Variants in CDH4 observed in about 807,000 individuals in gnomAD.
CDH4 encodes cadherin-4.
A neutral mutation model predicts 86.0 loss-of-function variants in CDH4; 33 were observed. The ratio of observed to expected loss-of-function variants is 0.38; its 90% confidence interval spans 0.29 to 0.51. The LOEUF (loss-of-function observed/expected upper bound fraction) is 0.51, where lower values mean the gene tolerates loss of function less well. Among genes scored for constraint, CDH4 ranks in the 20% least tolerant of loss-of-function variants. The pLI is 0.86. For synonymous variants in CDH4, 555 were observed against 549.4 expected (o/e 1.01, Z -0.14); for missense variants, 1,114 against 1,307.4 (o/e 0.85, Z 2.28).
intron 2 of CDH4, among the ~76,000 whole-genome samples, chr20:61,693,428 G>T (rs184015467): frequency 1.3e-5 from 2 of 152,332 alleles, no homozygotes; most frequent in Admixed American, 1.3e-4. Flanking sequence ...GGATCTTTGA[G>T]CAAAGGTAAT....
Position 61,430,022 on chromosome 20 carries a change from C to T in CDH4, c.169+175085C>T, listed in dbSNP as rs945824574. ...GATGCCCTTAAAACAGATTCCTTGG[C>T]CCAGCCGCAGAGATTCTGAGTCAGC... On this transcript the variant is annotated intron_variant, in intron 2 of 15. Transcript: ENST00000614565. 2.0e-5 allele frequency among the ~76,000 whole-genome samples: 3 copies of T among 152,196 alleles called. No individual in the cohort carries two copies. The East Asian group carries it at 5.8e-4, about 29-fold the overall frequency.
intron 2 of CDH4, among the ~76,000 whole-genome samples, chr20:61,306,938 C>T (rs1387239048): frequency 2.0e-5 from 3 of 152,182 alleles, no homozygotes; most frequent in Non-Finnish European, 2.9e-5. Context: ...GGCGGGACTT[C>T]TCATTTCCTC....
At chr20:61,693,884 CTTTTTTTTTTTTT>C (rs11479778) in intron 2 of CDH4, among the ~76,000 whole-genome samples, 3 of 82,700 alleles carry the variant, frequency 3.6e-5, no homozygotes, top group African/African-American at 5.1e-5. Context: ...CTCTTTCTTT[CTTTTTTTTTTTTT>C]TTTTTTTTTT....
intron 2 of CDH4, among the ~76,000 whole-genome samples, chr20:61,736,383 G>A (rs775388468): frequency 1.3e-5 from 2 of 152,132 alleles, no homozygotes; most frequent in Non-Finnish European, 2.9e-5. Context: ...TCCACGGAAG[G>A]GTCCTGTTAT....
chr20:61,724,833 A>G (rs2088091076), intron 2 of CDH4, among the ~76,000 whole-genome samples: 1 of 152,250 alleles, frequency 6.6e-6, no homozygotes. Context: ...AGAGAGGGCC[A>G]GGCATAGTGG....
intron 2 of CDH4, among the ~76,000 whole-genome samples, chr20:61,661,595 T>G (rs2087258550): frequency 6.6e-6 from 1 of 151,982 alleles, no homozygotes; most frequent in South Asian, 2.1e-4. Context: ...GGGCATGATC[T>G]GACATGCGTC....
Position 61,703,550 on chromosome 20 carries a change from G to A in CDH4, c.170-40013G>A, listed in dbSNP as rs1351806970. On this transcript the variant is annotated intron_variant, in intron 2 of 15. Coordinates refer to ENST00000614565, the MANE Select transcript of CDH4 (RefSeq NM_001794.5). This position sits in a 1 kb window ranked among gnomAD's most constrained non-coding sequence, Gnocchi z 4.3. ...AAGGAAGGAGTGAGGTCAGGTGTGG[G>A]GATCAAAGCTCCTCGTCCCCAGCTT... Among the ~76,000 whole-genome samples, 1 of 152,162 alleles carries A rather than the reference G, an allele frequency of 6.6e-6. No homozygotes were observed. Among genetic ancestry groups the A allele is most frequent in the African/African-American group, 2.4e-5 (1 of 41,422 alleles).
intron 2 of CDH4, chr20:61,437,461 T>C (rs1052587658): frequency 3.3e-5 from 5 of 152,222 alleles, no homozygotes; most frequent in African/African-American, 1.2e-4. Flanking sequence ...TTCCTTTTCG[T>C]TGGCACAGCA....
intron 2 of CDH4, among the ~76,000 whole-genome samples, chr20:61,323,065 C>T (rs2123245510): frequency 6.6e-6 from 1 of 152,330 alleles, no homozygotes; most frequent in Non-Finnish European, 1.5e-5. Context: ...GCCCAGGACG[C>T]ACTGCCGGAT....
intron 2 of CDH4, among the ~76,000 whole-genome samples, chr20:61,710,581 G>A (rs914148837): frequency 1.3e-5 from 2 of 152,210 alleles, no homozygotes; most frequent in African/African-American, 4.8e-5. Flanking sequence ...GAACTCCACA[G>A]CCCCTGCCTC....
intron 2 of CDH4, among the ~76,000 whole-genome samples, chr20:61,636,077 G>C (rs993294327): frequency 6.6e-6 from 1 of 152,210 alleles, no homozygotes; most frequent in Admixed American, 6.5e-5. Flanking sequence ...CTCCACACGC[G>C]TGGGGGTCCA....
chr20:61,567,751 A>G (rs1430934109), intron 2 of CDH4, among the ~76,000 whole-genome samples: 1 of 152,152 alleles, frequency 6.6e-6, no homozygotes, highest in Admixed American at 6.5e-5. Flanking sequence ...GGAGACTAAA[A>G]CGGGAGGATT....
At chr20:61,479,168 G>T (rs1412937025) in intron 2 of CDH4, among the ~76,000 whole-genome samples, 2 of 111,552 alleles carry the variant, frequency 1.8e-5, no homozygotes, top group Non-Finnish European at 3.9e-5. Context: ...TTGATCACTG[G>T]TTTTTTGTTT....
At chr20:61,441,437 G>A (rs879586925) in intron 2 of CDH4, among the ~76,000 whole-genome samples, 1 of 152,206 alleles carries the variant, frequency 6.6e-6, no homozygotes, top group Non-Finnish European at 1.5e-5. Flanking sequence ...CCCACTCCAG[G>A]TGGGAGAAAA....
intron 2 of CDH4, among the ~76,000 whole-genome samples, chr20:61,655,498 G>C (rs2087177630): frequency 6.6e-6 from 1 of 152,244 alleles, no homozygotes; most frequent in Admixed American, 6.5e-5. Flanking sequence ...AGGACAAGGG[G>C]CCTCTTTGAC....
At chr20:61,717,442 G>GT (rs752036467) in intron 2 of CDH4, 290 of 118,846 alleles carry the variant, frequency 2.4e-3, no homozygotes, top group Admixed American at 5.2e-3. Flanking sequence ...ATTTCGTGGG[G>GT]TTTTTTTGGT....
At chr20:61,636,628 A>C (rs2086949443) in intron 2 of CDH4, among the ~76,000 whole-genome samples, 1 of 152,174 alleles carries the variant, frequency 6.6e-6, no homozygotes, top group South Asian at 2.1e-4. Context: ...CGGGGCTTTC[A>C]GCCCAGCTGT....
At chr20:61,874,361 T>C (rs1983930788) in intron 7 of CDH4, among the ~76,000 whole-genome samples, 1 of 152,136 alleles carries the variant, frequency 6.6e-6, no homozygotes, top group African/African-American at 2.4e-5. Flanking sequence ...GAAGCAGTGC[T>C]TTTCACACAG....
At chr20:61,354,701 C>T (rs553048680) in intron 2 of CDH4, among the ~76,000 whole-genome samples, 1 of 152,348 alleles carries the variant, frequency 6.6e-6, no homozygotes, top group East Asian at 1.9e-4. Flanking sequence ...GGCCTGCCCA[C>T]CACATTGCTC....
Sources: allele counts gnomAD v4.1 joint callset (sites outside exome capture counted in the v4.1 genomes callset), GRCh38; gene constraint gnomAD v4.1.1; non-coding constraint Gnocchi (gnomAD v3.1); transcripts MANE v1.5; gene names NCBI Gene and HGNC (gene_info 2026-07-23, HGNC 2026-07-21).